Variants in CDON observed in about 807,000 individuals in gnomAD.
The protein encoded by CDON is cell adhesion molecule-related/down-regulated by oncogenes.
A neutral mutation model predicts 120.9 loss-of-function variants in CDON; 73 were observed. That is an observed-to-expected ratio of 0.60 (90% CI 0.50 to 0.73). The LOEUF is 0.73. Ranked by LOEUF, CDON falls within the 30% of genes least tolerant of loss-of-function variation. The pLI is 0.00. For missense variants in CDON, 1,470 were observed against 1,587.3 expected (o/e 0.93, Z 1.26); for synonymous variants, 566 against 573.5 (o/e 0.99, Z 0.19).
intron 8 of CDON, among the ~76,000 whole-genome samples, chr11:126,007,605 G>A (rs1000464386): frequency 6.6e-6 from 1 of 152,154 alleles, no homozygotes; most frequent in African/African-American, 2.4e-5. Flanking sequence ...CCACTGGGAA[G>A]TGGGATCTGG....
chr11:126,054,472 C>T (rs778012797), intron 1 of CDON, among the ~76,000 whole-genome samples: 2 of 152,170 alleles, frequency 1.3e-5, no homozygotes, highest in Admixed American at 6.5e-5. Flanking sequence ...CTAAAGCTTT[C>T]GTTTATCTTC....
intron 18 of CDON, among the ~76,000 whole-genome samples, chr11:125,977,366 C>T (rs2134423663): frequency 6.6e-6 from 1 of 152,294 alleles, no homozygotes; most frequent in East Asian, 1.9e-4. Flanking sequence ...GATGGTTGGC[C>T]TGATCCTTCT....
In CDON at chr11:125,961,086, T is replaced by C. The variant is rs376252996; in HGVS notation, c.3651A>G (p.Ser1217=). 6.2e-7 allele frequency: 1 copy of C among 1,614,110 alleles called. No homozygotes were observed. The change falls in exon 20 of 20, where the codon TCA becomes TCG. Residue 1217 remains serine (S), a synonymous_variant. Transcript: ENST00000531738. ...EFSRGDSCAH[S]ETEINIVSWN... Reference sequence around the variant, plus strand: ...AACTTACAATGTTGATCTCTGTTTCTGAATGGGCACAGCTGTCTCCTGAAA... The same window carrying C: ...AACTTACAATGTTGATCTCTGTTTCCGAATGGGCACAGCTGTCTCCTGAAA...
intron 1 of CDON, among the ~76,000 whole-genome samples, chr11:126,050,948 CA>C (rs1484739239): frequency 1.3e-5 from 2 of 152,132 alleles, no homozygotes; most frequent in African/African-American, 4.8e-5. Flanking sequence ...CGGAAAAAGA[CA>C]CTAGTATTTC....
chr11:125,997,983 G>C (rs1442655425), intron 11 of CDON, among the ~76,000 whole-genome samples: 1 of 152,190 alleles, frequency 6.6e-6, no homozygotes, highest in African/African-American at 2.4e-5. Flanking sequence ...GAGAGAGAAT[G>C]CTGCTCAGGA....
At chr11:126,021,766 C>T (rs1282030883) in intron 2 of CDON, among the ~76,000 whole-genome samples, 2 of 152,034 alleles carry the variant, frequency 1.3e-5, no homozygotes, top group African/African-American at 4.8e-5. Flanking sequence ...GACAAGAATG[C>T]TGATGATATA....
chr11:126,019,517 TCTTG>T, intron 4 of CDON, 98 bp downstream of exon 4: 4 of 1,274,754 alleles, frequency 3.1e-6, no homozygotes, highest in Non-Finnish European at 4.6e-6. Context: ...ACTCATGCCT[TCTTG>T]TATCCACAGT....
At chr11:125,964,657 GA>G (rs1945739527) in intron 18 of CDON, among the ~76,000 whole-genome samples, 1 of 151,694 alleles carries the variant, frequency 6.6e-6, no homozygotes, top group Non-Finnish European at 1.5e-5. Flanking sequence ...GGTTATCTAA[GA>G]AAAGATAAAA....
intron 2 of CDON, 33 bp from the exon 3 acceptor site, chr11:126,021,553 G>T: frequency 6.3e-7 from 1 of 1,599,006 alleles, no homozygotes; most frequent in Non-Finnish European, 8.6e-7. Context: ...TGCAAAGAAA[G>T]CAGGGGAGAA....
Position 126,015,419 on chromosome 11 carries a change from G to A in CDON, c.1020C>T (p.Ala340=). The change falls in exon 7 of 20, where the codon GCC becomes GCT. Residue 340 remains alanine (A), a synonymous_variant. Coordinates refer to ENST00000531738, the MANE Select transcript of CDON (RefSeq NM_001378964.1). Reference sequence around the variant, plus strand: ...CATTGTGAAACCAGGTACAGTTGGGGGCTGGGTTCCCATGAACGTCGCAGG... The same window carrying A: ...CATTGTGAAACCAGGTACAGTTGGGAGCTGGGTTCCCATGAACGTCGCAGG... The part of the protein sequence containing the change: ...HFTCDVHGNP[A]PNCTWFHNAQ... 3 of 1,614,106 alleles carry A rather than the reference G, an allele frequency of 1.9e-6. No homozygotes were observed. The highest frequency in any genetic ancestry group is 2.5e-6 in the Non-Finnish European group (3 of 1,179,992).
intron 1 of CDON, among the ~76,000 whole-genome samples, chr11:126,042,991 C>T (rs1429938042): frequency 1.3e-5 from 2 of 152,126 alleles, no homozygotes; most frequent in African/African-American, 2.4e-5. Context: ...TGTTTCACAC[C>T]GACTTCCTAG....
rs1475157361 is a variant in CDON, at chr11:125,960,209, C to CTGATAAT, written c.*726_*732dup. The stretch of plus-strand genomic sequence containing the variant: ...TGATTTCAAAGTGTTCTCAGGAAGT[C>CTGATAAT]TGATAATACAGGCCAGACGTGGTGG... On this transcript the variant is annotated 3_prime_UTR_variant, in exon 20 of 20. Coordinates refer to ENST00000531738, the MANE Select transcript of CDON (RefSeq NM_001378964.1). 1 of 152,276 alleles carries CTGATAAT rather than the reference C, an allele frequency of 6.6e-6. No individual in the cohort carries two copies. The highest frequency in any genetic ancestry group is 1.5e-5 in the Non-Finnish European group (1 of 68,102). 9.4% of individuals were successfully genotyped at this position (152,276 alleles called of 1,614,324 possible). A position where few individuals can be genotyped will look rare whatever the true frequency, so the allele number is the denominator to read the frequency against.
intron 15 of CDON, among the ~76,000 whole-genome samples, chr11:125,986,613 A>G (rs544895012): frequency 6.6e-6 from 1 of 151,890 alleles, no homozygotes; most frequent in Non-Finnish European, 1.5e-5. Flanking sequence ...AAAATACAAA[A>G]AATTAGCCAG....
intron 4 of CDON, 142 bp downstream of exon 4, chr11:126,019,477 A>T (rs1465637484): frequency 1.2e-6 from 1 of 849,500 alleles, no homozygotes; most frequent in East Asian, 2.4e-5. Context: ...AATTATTTGT[A>T]TATTGTAACC....
chr11:125,990,740 T>C (rs1946611058), intron 14 of CDON, among the ~76,000 whole-genome samples: 1 of 152,186 alleles, frequency 6.6e-6, no homozygotes, highest in African/African-American at 2.4e-5. Flanking sequence ...CCTTTCTAAC[T>C]GAACACAGAC....
At chr11:125,995,307 T>A (rs1946750171) in intron 12 of CDON, among the ~76,000 whole-genome samples, 1 of 152,150 alleles carries the variant, frequency 6.6e-6, no homozygotes, top group Non-Finnish European at 1.5e-5. Context: ...GAAAGAGCAC[T>A]GCAAAAGATT....
intron 6 of CDON, among the ~76,000 whole-genome samples, chr11:126,016,707 C>T (rs974674958): frequency 6.6e-6 from 1 of 152,098 alleles, no homozygotes; most frequent in Non-Finnish European, 1.5e-5. Context: ...TGTGAGTTAC[C>T]ATGCCTGGCC....
chr11:126,017,256 A>C lies in CDON; in HGVS notation c.760T>G (p.Tyr254Asp), dbSNP rs1253145949. ...ATGTCCTGCCCGTCCTTTAGCCAAT[A>C]CACTTGAGGAGCCGGGACCCCACTC... ...VVSGVPAPQV[Y>D]WLKDGQDIAP... Residue 254 changes from tyrosine (Y) to aspartate (D), a missense_variant, in exon 6 of 20, where the codon TAT (tyrosine) becomes GAT (aspartate). By Grantham distance (160) the Tyr-to-Asp change is radical (BLOSUM62 -3). Transcript: ENST00000531738. 1 of 1,613,956 alleles carries C rather than the reference A, an allele frequency of 6.2e-7. No individual in the cohort carries two copies. Among genetic ancestry groups the C allele is most frequent in the Non-Finnish European group, 8.5e-7 (1 of 1,180,014 alleles).
chr11:125,985,554 T>C (rs958327179), intron 15 of CDON, among the ~76,000 whole-genome samples: 22 of 152,156 alleles, frequency 1.4e-4, no homozygotes, highest in African/African-American at 5.3e-4. Flanking sequence ...GGTAAATGAG[T>C]TAAGCCATGG....
Sources: gnomAD v4.1 joint callset for allele counts (sites outside exome capture counted in the v4.1 genomes callset) on GRCh38, gnomAD v4.1.1 for gene constraint, MANE v1.5 for transcripts, NCBI Gene and HGNC (gene_info 2026-07-23, HGNC 2026-07-21) for gene names.